Variants in SCN11A observed in about 807,000 individuals in gnomAD.
The protein encoded by SCN11A is sodium channel protein type 11 subunit alpha.
Under a neutral mutation model 162.2 loss-of-function variants are expected in SCN11A, and 122 were observed. The ratio of observed to expected loss-of-function variants is 0.75; its 90% CI spans 0.65 to 0.87. SCN11A has a LOEUF of 0.87. Among genes scored for constraint, SCN11A ranks in the 40% least tolerant of loss-of-function variants. The pLI, the probability that SCN11A is intolerant of heterozygous loss-of-function variation, is 0.00. For synonymous variants in SCN11A, 758 were observed against 751.5 expected, an observed-to-expected ratio of 1.01 and a Z score of -0.14; for missense variants, 2,015 against 2,181.6, an observed-to-expected ratio of 0.92 and a Z score of 1.52.
rs995702712 is a variant in SCN11A at position 38,887,500 on chromosome 3, T to C, written c.2836-1262A>G. Among the ~76,000 whole-genome samples the C allele has an allele frequency of 2.7e-5, 4 of 150,724 alleles. No homozygotes were observed. In the South Asian group the frequency reaches 6.4e-4, roughly 24 times the overall value. On this transcript the variant is annotated intron_variant, in intron 19 of 29. Coordinates refer to ENST00000302328, the MANE Select transcript of SCN11A (RefSeq NM_001349253.2). ...TACCTAATGCTAAATGACGAGTTAATGCGTGCAGCACACCAACATGGCATA... is the reference window on the plus strand; with the variant it reads ...TACCTAATGCTAAATGACGAGTTAACGCGTGCAGCACACCAACATGGCATA...
At chr3:39,051,342 C>A (rs1445133058) in intron 1 of SCN11A, among the ~76,000 whole-genome samples, 3 of 152,094 alleles carry the variant, frequency 2.0e-5, no homozygotes, top group Admixed American at 2.0e-4. Context: ...GTGTTCTCAT[C>A]ATTTAGCTCC....
chr3:38,873,844 T>G (rs13096744), intron 23 of SCN11A, among the ~76,000 whole-genome samples: 14,013 of 152,266 alleles, frequency 0.092, 886 homozygotes, highest in Non-Finnish European at 0.13. Context: ...CTCTGCACTG[T>G]TTTTGAAATC....
At chr3:38,921,402 G>C in intron 9 of SCN11A, 147 bp from the exon 10 acceptor site, 2 of 710,138 alleles carry the variant, frequency 2.8e-6, no homozygotes, top group South Asian at 1.9e-5. Context: ...CTGATGCCTT[G>C]AGTTTGTGCT....
intron 28 of SCN11A, among the ~76,000 whole-genome samples, chr3:38,851,631 C>T (rs1011531175): frequency 6.6e-6 from 1 of 152,200 alleles, no homozygotes; most frequent in African/African-American, 2.4e-5. Context: ...AATTTTATAA[C>T]ATTCTTGACT....
intron 28 of SCN11A, among the ~76,000 whole-genome samples, chr3:38,862,153 T>C (rs1445124262): frequency 6.6e-6 from 1 of 152,080 alleles, no homozygotes; most frequent in Non-Finnish European, 1.5e-5. Context: ...ACATCACTAA[T>C]TATCAGGGAA....
chr3:39,051,132 T>A lies in SCN11A; in HGVS notation c.-404+729A>T, dbSNP rs528050784. ...ATCTTTTTGTCTTGTTTTTTTTTTT[T>A]AAACTTTTAAGTTCAGGGGTACAAG... On this transcript the variant is annotated intron_variant, in intron 1 of 29. Transcript: ENST00000302328. 2.9e-3 allele frequency among the ~76,000 whole-genome samples: 442 copies of A among 152,078 alleles called. 6 individuals carry two copies. The highest frequency in any genetic ancestry group is 0.01 in the African/African-American group (419 of 41,474).
rs970238537 is a variant in SCN11A at position 38,946,894 on chromosome 3, A to G, written c.281T>C (p.Leu94Ser). ...FYRNHKTFMV[L>S]NRKRTIYRFS... Reference sequence around the variant, plus strand: ...GCGGTAGATTGTCCTCTTTCTGTTTAACACCATAAATGTCTGCAAAACAAA... The same window carrying G: ...GCGGTAGATTGTCCTCTTTCTGTTTGACACCATAAATGTCTGCAAAACAAA... Residue 94 changes from leucine to serine, a missense_variant, in exon 6 of 30, where the codon TTA becomes TCA. Physicochemically the swap from Leu to Ser is moderately radical, Grantham distance 145. Coordinates refer to ENST00000302328, the MANE Select transcript of SCN11A (RefSeq NM_001349253.2). 7.5e-6 allele frequency: 12 copies of G among 1,608,912 alleles called. No individual in the cohort carries two copies. Among genetic ancestry groups the G allele is most frequent in the African/African-American group, 1.3e-5 (1 of 74,750 alleles).
rs191500770 is a variant in SCN11A, at chr3:38,883,530, A to C, written c.3065-143T>G. 2.0e-4 allele frequency: 142 copies of C among 720,156 alleles called. No homozygotes were observed. The African/African-American group carries it at 2.4e-3, about 12-fold the overall frequency. 44.6% of individuals were successfully genotyped at this position (720,156 alleles called of 1,614,324 possible). The stretch of plus-strand genomic sequence containing the variant: ...TTAAAGAAGTAGAGCATCTTTTTCT[A>C]ACATCTTAAATCTGGTCCCTGCCAT... On this transcript the variant is annotated intron_variant, in intron 21 of 29. Transcript: ENST00000302328.
At chr3:39,015,778 C>T (rs772230894) in intron 2 of SCN11A, among the ~76,000 whole-genome samples, 55 of 152,184 alleles carry the variant, frequency 3.6e-4, no homozygotes, top group Admixed American at 7.2e-4. Context: ...GCTCTGACTC[C>T]CAGGCTGGAG....
chr3:38,947,260 A>C (rs1217843562), intron 5 of SCN11A, among the ~76,000 whole-genome samples: 1 of 152,240 alleles, frequency 6.6e-6, no homozygotes, highest in African/African-American at 2.4e-5. Context: ...TTTGATTATT[A>C]ACGAAAACTT....
At chr3:38,903,786 C>T in intron 16 of SCN11A, 79 bp downstream of exon 16, 1 of 1,138,822 alleles carries the variant, frequency 8.8e-7, no homozygotes. Context: ...TTAGCTCATT[C>T]ACAAAATGTT....
intron 2 of SCN11A, among the ~76,000 whole-genome samples, chr3:39,002,499 C>T (rs1266110263): frequency 6.6e-6 from 1 of 152,188 alleles, no homozygotes; most frequent in South Asian, 2.1e-4. Flanking sequence ...ATTTGTATTT[C>T]TACAAGTTTT....
chr3:39,010,523 C>T (rs1191198434), intron 2 of SCN11A, among the ~76,000 whole-genome samples: 27 of 151,922 alleles, frequency 1.8e-4, no homozygotes, highest in African/African-American at 4.8e-4. Context: ...GGACTACAGG[C>T]GCCCGCCACC....
chr3:38,961,636 G>A (rs2066741632), intron 2 of SCN11A, among the ~76,000 whole-genome samples: 1 of 152,208 alleles, frequency 6.6e-6, no homozygotes, highest in Admixed American at 6.5e-5. Context: ...GTGTGTGTTT[G>A]AAAAGGTAAG....
intron 2 of SCN11A, among the ~76,000 whole-genome samples, chr3:39,012,128 C>G (rs995943164): frequency 1.3e-5 from 2 of 151,978 alleles, no homozygotes; most frequent in African/African-American, 2.4e-5. Context: ...AAGTTCGAGA[C>G]CAGACTGACC....
intron 2 of SCN11A, among the ~76,000 whole-genome samples, chr3:39,009,288 T>C (rs1301905815): frequency 6.6e-6 from 1 of 152,054 alleles, no homozygotes; most frequent in Non-Finnish European, 1.5e-5. Flanking sequence ...ACATAGATTT[T>C]ATTATTGGTA....
At chr3:38,972,224 C>T (rs915150467) in intron 2 of SCN11A, among the ~76,000 whole-genome samples, 2 of 152,122 alleles carry the variant, frequency 1.3e-5, no homozygotes, top group African/African-American at 4.8e-5. Context: ...GATGGGGGAG[C>T]CTTGGAAGCC....
chr3:38,977,551 G>A (rs1559562348), intron 2 of SCN11A, among the ~76,000 whole-genome samples: 1 of 152,170 alleles, frequency 6.6e-6, no homozygotes, highest in African/African-American at 2.4e-5. Flanking sequence ...ACAAATGCAA[G>A]CCATTACCAC....
intron 2 of SCN11A, among the ~76,000 whole-genome samples, chr3:38,968,627 CAT>C (rs2066798028): frequency 6.6e-6 from 1 of 152,144 alleles, no homozygotes; most frequent in South Asian, 2.1e-4. Flanking sequence ...TATGCTTACA[CAT>C]GTGCACACGC....
Sources: allele counts gnomAD v4.1 joint callset (sites outside exome capture counted in the v4.1 genomes callset), GRCh38; gene constraint gnomAD v4.1.1; transcripts MANE v1.5; gene names NCBI Gene and HGNC (gene_info 2026-07-23, HGNC 2026-07-21).